The following SVOP variants were observed in gnomAD, a reference collection of about 807,000 sequenced individuals.
The protein encoded by SVOP is SV2 related protein.
SVOP carries 17 observed loss-of-function variants against 69.1 expected under a neutral mutation model. That is an observed-to-expected ratio of 0.25 (90% confidence interval 0.17 to 0.37). The LOEUF (loss-of-function observed/expected upper bound fraction) is 0.37, where lower values mean the gene tolerates loss of function less well. Among genes scored for constraint, SVOP ranks in the 10% least tolerant of loss-of-function variants. The probability of loss-of-function intolerance (pLI) is 1.00; values close to 1 mark genes in which losing one functional copy is unlikely to be tolerated. For missense variants in SVOP, 435 were observed against 597.5 expected (o/e 0.73, Z 2.84); for synonymous variants, 238 against 238.6 (o/e 1.00, Z 0.02).
chr12:108,931,898 G>C lies in SVOP; in HGVS notation c.1048+2297C>G, dbSNP rs2039822239. Among the ~76,000 whole-genome samples the C allele has an allele frequency of 2.6e-5, 4 of 152,028 alleles. No homozygotes were observed. The South Asian group carries it at 8.3e-4, about 32-fold the overall frequency. ...GTGGCCGTGGTGGAGAGCCAACTTG[G>C]TCCTCAAACTTAATGTGCACATTAG... On this transcript the variant is annotated intron_variant, in intron 11 of 15. Transcript: ENST00000610966.
chr12:108,957,319 A>G lies in SVOP; in HGVS notation c.578+3604T>C, dbSNP rs2039991127. On this transcript the variant is annotated intron_variant, in intron 6 of 15. Coordinates refer to ENST00000610966, the MANE Select transcript of SVOP (RefSeq NM_018711.5). ...GCTGGGATTACAGGTGTGTGTCACC[A>G]CACCCAGCTAATTTTTGTAATTTTA... 1.3e-5 allele frequency among the ~76,000 whole-genome samples: 2 copies of G among 152,058 alleles called. 1 individual carries two copies. Among genetic ancestry groups the G allele is most frequent in the Admixed American group, 1.3e-4 (2 of 15,268 alleles).
At chr12:108,979,838 A>G (rs1363728372) in intron 2 of SVOP, among the ~76,000 whole-genome samples, 3 of 150,580 alleles carry the variant, frequency 2.0e-5, no homozygotes, top group African/African-American at 7.4e-5. Context: ...TCAGAAAAAA[A>G]CACAGATATA....
At chr12:109,014,156 C>CCA (rs1566069639) in intron 1 of SVOP, among the ~76,000 whole-genome samples, 115 of 151,650 alleles carry the variant, frequency 7.6e-4, no homozygotes, top group African/African-American at 2.7e-3. Context: ...GCTGGGATTA[C>CCA]AGGTGCATGC....
chr12:108,952,285 A>G (rs1396872285), intron 6 of SVOP, among the ~76,000 whole-genome samples: 1 of 114,372 alleles, frequency 8.7e-6, no homozygotes, highest in Non-Finnish European at 1.6e-5. Context: ...CCCAGGCTGG[A>G]GTGTAGTGGT....
At chr12:108,958,025 C>A (rs1036157532) in intron 6 of SVOP, among the ~76,000 whole-genome samples, 3 of 152,254 alleles carry the variant, frequency 2.0e-5, no homozygotes, top group Admixed American at 2.0e-4. Flanking sequence ...GAGTCAACAA[C>A]AGACCACATA....
intron 1 of SVOP, among the ~76,000 whole-genome samples, chr12:109,003,216 T>A (rs2040283662): frequency 6.6e-6 from 1 of 152,168 alleles, no homozygotes; most frequent in African/African-American, 2.4e-5. Context: ...GGAGGAGAAC[T>A]GGACGGGAAT....
intron 9 of SVOP, among the ~76,000 whole-genome samples, chr12:108,938,062 G>A (rs1043866219): frequency 2.0e-5 from 3 of 152,178 alleles, no homozygotes; most frequent in Admixed American, 1.3e-4. Context: ...CTGTAGATTT[G>A]GGGCAGGTCC....
intron 1 of SVOP, among the ~76,000 whole-genome samples, chr12:108,998,192 A>G (rs1332828097): frequency 1.3e-5 from 2 of 152,246 alleles, no homozygotes; most frequent in Non-Finnish European, 2.9e-5. Flanking sequence ...GATGCGATCA[A>G]CTGGAAGAAA....
intron 13 of SVOP, among the ~76,000 whole-genome samples, chr12:108,919,039 C>T (rs1320851710): frequency 1.5e-5 from 1 of 68,050 alleles, no homozygotes; most frequent in Non-Finnish European, 3.3e-5. Context: ...GGCCAATACC[C>T]GCAACCTGGG....
chr12:109,003,156 A>G (rs922896123), intron 1 of SVOP, among the ~76,000 whole-genome samples: 1 of 152,136 alleles, frequency 6.6e-6, no homozygotes, highest in Non-Finnish European at 1.5e-5. Context: ...TTAGACAATC[A>G]TAGACATTTG....
chr12:108,960,363 A>T (rs541740313), intron 6 of SVOP, among the ~76,000 whole-genome samples: 1 of 152,280 alleles, frequency 6.6e-6, no homozygotes, highest in Non-Finnish European at 1.5e-5. Flanking sequence ...GCCCCAGGAG[A>T]CAGTGGCTTC....
intron 2 of SVOP, among the ~76,000 whole-genome samples, chr12:108,980,770 A>T (rs1370276200): frequency 0.032 from 2,313 of 72,656 alleles, 1,082 homozygotes; most frequent in African/African-American, 0.074. Context: ...AAAAAAAAAA[A>T]AAAAATTAGC....
chr12:109,011,641 A>T (rs940216237), intron 1 of SVOP, among the ~76,000 whole-genome samples: 29 of 152,206 alleles, frequency 1.9e-4, no homozygotes, highest in Non-Finnish European at 4.1e-4. Context: ...GACAATTTCA[A>T]CAGCAATAGT....
intron 6 of SVOP, among the ~76,000 whole-genome samples, chr12:108,956,864 C>G (rs1335868139): frequency 1.3e-5 from 2 of 152,222 alleles, no homozygotes; most frequent in African/African-American, 4.8e-5. Flanking sequence ...TGGAACAGGA[C>G]TCTGAAGGTG....
At chr12:108,981,961 TTCA>T (rs1169850467) in intron 2 of SVOP, among the ~76,000 whole-genome samples, 4 of 150,896 alleles carry the variant, frequency 2.7e-5, no homozygotes, top group Admixed American at 6.6e-5. Context: ...CGCCATCATC[TTCA>T]TCATCATCAC....
At position 108,922,756 on chromosome 12, in the gene SVOP, C is replaced by A; in HGVS notation, c.1090G>T (p.Ala364Ser). The A allele has an allele frequency of 6.2e-7, 1 of 1,611,434 alleles. No individual in the cohort carries two copies. The highest frequency in any genetic ancestry group is 8.5e-7 in the Non-Finnish European group (1 of 1,179,080). Residue 364 changes from alanine (A) to serine (S), a missense_variant, in exon 12 of 16, where the codon GCC (alanine) becomes TCC (serine). Physicochemically the swap from Ala to Ser is moderately conservative, Grantham distance 99 (BLOSUM62 1). Coordinates refer to ENST00000610966, the MANE Select transcript of SVOP (RefSeq NM_018711.5). ...TCCTCCTCACTCAGGTACTCGCAGG[C>A]CAGGCTGCATTTTGCCTCTACAGCC... The part of the protein sequence containing the change: ...KKAVEAKCSL[A>S]CEYLSEEDYM...
At chr12:109,020,504 C>T (rs944363830) in intron 1 of SVOP, among the ~76,000 whole-genome samples, 4 of 152,176 alleles carry the variant, frequency 2.6e-5, no homozygotes, top group Admixed American at 6.5e-5. Flanking sequence ...ATTCTGTCCA[C>T]ATTTCAAAAC....
At chr12:108,994,846 T>C (rs1350542933) in intron 1 of SVOP, among the ~76,000 whole-genome samples, 1 of 152,158 alleles carries the variant, frequency 6.6e-6, no homozygotes, top group Non-Finnish European at 1.5e-5. Flanking sequence ...ACTTTTTAAA[T>C]GTTTTTACAG....
chr12:109,016,914 GA>G (rs1166190616), intron 1 of SVOP, among the ~76,000 whole-genome samples: 1 of 151,568 alleles, frequency 6.6e-6, no homozygotes, highest in East Asian at 1.9e-4. Context: ...GGCTAATTAA[GA>G]AAAAAATTTT....
Sources: allele counts gnomAD v4.1 joint callset (sites outside exome capture counted in the v4.1 genomes callset), GRCh38; gene constraint gnomAD v4.1.1; transcripts MANE v1.5; gene names NCBI Gene and HGNC (gene_info 2026-07-23, HGNC 2026-07-21).